POU6F1: variants seen among roughly 807,000 people sequenced by gnomAD.
The protein encoded by POU6F1 is POU domain, class 6, transcription factor 1.
A neutral mutation model predicts 28.9 loss-of-function variants in POU6F1; 9 were observed. The observed-to-expected ratio is 0.31, with a 90% CI of 0.19 to 0.54. The LOEUF (loss-of-function observed/expected upper bound fraction) is 0.54. Ranked by LOEUF, POU6F1 falls within the 20% of genes least tolerant of loss-of-function variation. The pLI is 0.94. For missense variants in POU6F1, 338 were observed against 426.1 expected, an observed-to-expected ratio of 0.79 and a Z score of 1.82; for synonymous variants, 173 against 171.1, an observed-to-expected ratio of 1.01 and a Z score of -0.09.
intron 7 of POU6F1, 56 bp downstream of exon 7, chr12:51,196,743 C>A: frequency 1.2e-6 from 2 of 1,600,076 alleles, no homozygotes; most frequent in Non-Finnish European, 1.7e-6. Flanking sequence ...TGGCCGCCAT[C>A]CCCTGGCCAG....
intron 1 of POU6F1, among the ~76,000 whole-genome samples, chr12:51,210,128 A>G (rs1349876690): frequency 6.6e-6 from 1 of 151,664 alleles, no homozygotes; most frequent in African/African-American, 2.4e-5. Flanking sequence ...TTTATTTTTT[A>G]TTTTTGGTAG....
rs925030976 is a variant in POU6F1 at position 51,189,142 on chromosome 12, A to G, written c.*1105T>C. The G allele has an allele frequency of 6.6e-6, 1 of 152,168 alleles. No homozygotes were observed. The highest frequency in any genetic ancestry group is 1.5e-5 in the Non-Finnish European group (1 of 68,034). 9.4% of individuals were successfully genotyped at this position (152,168 alleles called of 1,614,324 possible). On this transcript the variant is annotated 3_prime_UTR_variant, in exon 11 of 11. Coordinates refer to ENST00000333640, the MANE Select transcript of POU6F1 (RefSeq NM_001330422.2). ...TCCCGTATCCAAGGCTTAAAGTTAC[A>G]AAGAAAATTAGAGTTAAGTCAACTT...
chr12:51,196,668 C>G, intron 7 of POU6F1, 131 bp downstream of exon 7: 1 of 1,149,612 alleles, frequency 8.7e-7, no homozygotes, highest in Non-Finnish European at 1.2e-6. Context: ...AGAAAGCCGC[C>G]GCAGAGGAGA....
chr12:51,193,436 C>T (rs1942579377), intron 8 of POU6F1, among the ~76,000 whole-genome samples: 1 of 152,106 alleles, frequency 6.6e-6, no homozygotes, highest in Non-Finnish European at 1.5e-5. Context: ...ATTAGCCAGG[C>T]GTGGTGGCAC....
chr12:51,201,777 A>G (rs975405430), intron 3 of POU6F1: 4 of 152,140 alleles, frequency 2.6e-5, no homozygotes, highest in Non-Finnish European at 5.9e-5. Flanking sequence ...TGCTTCCTGC[A>G]AGACTGTACA....
rs1944357869 is a variant in POU6F1 at position 51,217,620 on chromosome 12, C to T, written c.-48+22G>A. ...CTCCCCCTCCGTGCAAACCCCTCCC[C>T]GCCCCGGACCCCGCTACTTACCGGA... On this transcript the variant is annotated intron_variant, in intron 1 of 10. Transcript: ENST00000333640. The surrounding 1 kb of genome is among the most constrained non-coding windows in gnomAD (Gnocchi z 5.3). The T allele has an allele frequency of 1.3e-5, 2 of 152,112 alleles. No homozygotes were observed. The highest frequency in any genetic ancestry group is 2.1e-4 in the South Asian group (1 of 4,860). The allele number at this position is 152,112 out of a possible 1,614,324, so 9.4% of individuals were successfully genotyped here.
At position 51,206,689 on chromosome 12, in the gene POU6F1, G is replaced by T. The variant is rs116738862; in HGVS notation, c.48+100C>A. 9.0e-3 allele frequency: 3,594 copies of T among 398,186 alleles called. 128 individuals carry two copies. Among genetic ancestry groups the T allele is most frequent in the African/African-American group, 0.068 (3,294 of 48,598 alleles). 24.7% of individuals were successfully genotyped at this position (398,186 alleles called of 1,614,324 possible). On this transcript the variant is annotated intron_variant, in intron 2 of 10. Transcript: ENST00000333640. Reference sequence around the variant, plus strand: ...ACAGGTGAAGTGATGGTGAACCCTGGTAAGAAACAGAGAGTGAAGGGCCCT... The same window carrying T: ...ACAGGTGAAGTGATGGTGAACCCTGTTAAGAAACAGAGAGTGAAGGGCCCT...
At chr12:51,211,331 C>G (rs1943971144) in intron 1 of POU6F1, among the ~76,000 whole-genome samples, 1 of 152,190 alleles carries the variant, frequency 6.6e-6, no homozygotes, top group South Asian at 2.1e-4. Flanking sequence ...GGGCCCTCTC[C>G]TTTGCCTTCT....
In POU6F1 at chr12:51,214,463, T is replaced by C. The variant is rs1483941588; in HGVS notation, c.-48+3179A>G. ...GGGGTAAGGCTGATGGGGACTGCTCTGGTCCCCAAGGCTCAGGACACACTG... is the reference window on the plus strand; with the variant it reads ...GGGGTAAGGCTGATGGGGACTGCTCCGGTCCCCAAGGCTCAGGACACACTG... On this transcript the variant is annotated intron_variant, in intron 1 of 10. Transcript: ENST00000333640. Among the ~76,000 whole-genome samples, 5 of 152,266 alleles carry C rather than the reference T, an allele frequency of 3.3e-5. No individual in the cohort carries two copies. In the East Asian group the frequency reaches 9.7e-4, roughly 29 times the overall value.
intron 6 of POU6F1, among the ~76,000 whole-genome samples, 197 bp downstream of exon 6, chr12:51,197,573 G>A (rs777928105): frequency 2.2e-4 from 34 of 152,208 alleles, no homozygotes; most frequent in Non-Finnish European, 4.1e-4. Flanking sequence ...CTTGGCAGAG[G>A]TTGTCTGCTT....
rs1442490567 is a variant in POU6F1, at chr12:51,190,325, C to T, written c.1758G>A (p.Glu586=). The T allele has an allele frequency of 1.9e-6, 3 of 1,614,136 alleles. No homozygotes were observed. Among genetic ancestry groups the T allele is most frequent in the South Asian group, 2.2e-5 (2 of 91,090 alleles). ...GATTGCAGAACCAGACCCGCACTAC[C>T]TCACGGTCGTAGTTGAGCTCCTTAG... ...EIAKELNYDR[E]VVRVWFCNRR... is the part of the protein sequence containing the mutation. The change falls in exon 11 of 11, where the codon GAG becomes GAA. Residue 586 remains glutamate, a synonymous_variant. Transcript: ENST00000333640. The surrounding 1 kb of genome is among the most constrained non-coding windows in gnomAD (Gnocchi z 4.5).
rs749562849 is a variant in POU6F1 at position 51,196,151 on chromosome 12, A to C, written c.998T>G (p.Val333Gly). 12 of 1,538,212 alleles carry C rather than the reference A, an allele frequency of 7.8e-6. No individual in the cohort carries two copies. The African/African-American group carries it at 1.1e-4, about 14-fold the overall frequency. ...GGCCGCCACACTAGCTGAGTTCACT[A>C]CCCATGGAAGGGTTCCAATAACCTG... is the stretch of plus-strand genomic sequence containing the variant. ...QGQVIGTLPW[V>G]VNSASVAAPA... The change falls in exon 8 of 11, where the codon GTA becomes GGA. Residue 333 changes from valine to glycine, a missense_variant. This residue lies in a region of POU6F1 where 206 missense variants were observed against 225.6 expected (regional missense o/e 0.91). Transcript: ENST00000333640.
rs754741107 is a variant in POU6F1 at position 51,190,612 on chromosome 12, A to G, written c.1491-20T>C. 1 of 1,607,338 alleles carries G rather than the reference A, an allele frequency of 6.2e-7. No individual in the cohort carries two copies. Among genetic ancestry groups the G allele is most frequent in the Non-Finnish European group, 8.5e-7 (1 of 1,176,152 alleles). ...TCGAACCTGTGGGCAACCCATACCC[A>G]GGAAGAGGCAGTGAGAGCATGTTGG... On this transcript the variant is annotated intron_variant, in intron 10 of 10. Coordinates refer to ENST00000333640, the MANE Select transcript of POU6F1 (RefSeq NM_001330422.2). The surrounding 1 kb of genome is among the most constrained non-coding windows in gnomAD (Gnocchi z 4.5).
At chr12:51,215,593 TGTA>T (rs1047297815) in intron 1 of POU6F1, among the ~76,000 whole-genome samples, 1 of 144,566 alleles carries the variant, frequency 6.9e-6, no homozygotes, top group Non-Finnish European at 1.5e-5. Context: ...ATTTCCAAGG[TGTA>T]GTATTGGGTT....
chr12:51,206,716 T>C (rs1863388588), intron 2 of POU6F1, 73 bp downstream of exon 2: 4 of 398,724 alleles, frequency 1.0e-5, no homozygotes, highest in Non-Finnish European at 1.3e-5. Context: ...AAGGGCCCTG[T>C]GGAGTCCTCC....
intron 8 of POU6F1, among the ~76,000 whole-genome samples, chr12:51,194,226 C>T (rs1942649864): frequency 2.6e-5 from 4 of 152,092 alleles, no homozygotes; most frequent in Non-Finnish European, 5.9e-5. Flanking sequence ...GAGGTTTCAC[C>T]ATGTTGGGCA....
chr12:51,206,377 T>C (rs1250633636), intron 2 of POU6F1, among the ~76,000 whole-genome samples: 7 of 150,438 alleles, frequency 4.7e-5, no homozygotes, highest in East Asian at 2.0e-4. Context: ...GAGCCGAGAT[T>C]GCGCCACTGC....
In POU6F1 at chr12:51,188,564, C is replaced by T. The variant is rs1942186310; in HGVS notation, c.*1683G>A. ...TCAGCACACAACTGTCCTCCTCTTA[C>T]TGGCCAGGCTACCAAGAGGGTGGCC... On this transcript the variant is annotated 3_prime_UTR_variant, in exon 11 of 11. Coordinates refer to ENST00000333640, the MANE Select transcript of POU6F1 (RefSeq NM_001330422.2). 3.9e-5 allele frequency: 6 copies of T among 152,344 alleles called. No homozygotes were observed. The highest frequency in any genetic ancestry group is 3.9e-4 in the Admixed American group (6 of 15,292). 9.4% of individuals were successfully genotyped at this position (152,344 alleles called of 1,614,324 possible). A position where few individuals can be genotyped will look rare whatever the true frequency, so the allele number is the denominator to read the frequency against.
chr12:51,213,496 G>A (rs1298028629), intron 1 of POU6F1, among the ~76,000 whole-genome samples: 1 of 152,162 alleles, frequency 6.6e-6, no homozygotes, highest in East Asian at 1.9e-4. Flanking sequence ...TTACTGGCAT[G>A]AGCCACCATA....
Sources: allele counts gnomAD v4.1 joint callset (sites outside exome capture counted in the v4.1 genomes callset), GRCh38; gene constraint gnomAD v4.1.1; regional missense constraint gnomAD v4.1.1; non-coding constraint Gnocchi (gnomAD v3.1); transcripts MANE v1.5; gene names NCBI Gene and HGNC (gene_info 2026-07-23, HGNC 2026-07-21).